ZBTB20: variants seen among roughly 807,000 people sequenced by gnomAD.
ZBTB20 encodes zinc finger and BTB domain containing 20, also known as zinc finger and BTB domain-containing protein 20.
ZBTB20 carries 9 observed loss-of-function variants against 56.9 expected under a neutral mutation model. The ratio of observed to expected loss-of-function variants is 0.16; its 90% CI spans 0.10 to 0.28. ZBTB20 has a LOEUF of 0.28. Ranked by LOEUF, ZBTB20 falls within the 10% of genes least tolerant of loss-of-function variation. The pLI, the probability that ZBTB20 is intolerant of heterozygous loss-of-function variation, is 1.00. For synonymous variants in ZBTB20, 417 were observed against 420.7 expected (o/e 0.99, Z 0.11); for missense variants, 655 against 1,003.0 (o/e 0.65, Z 4.69).
At chr3:115,073,348 T>G (rs185935386) in intron 1 of ZBTB20, among the ~76,000 whole-genome samples, 118 of 152,320 alleles carry the variant, frequency 7.7e-4, no homozygotes, top group Non-Finnish European at 1.2e-3. Flanking sequence ...TTTTAACTTT[T>G]CAAATGGCTA....
At chr3:114,811,229 A>T (rs2072493531) in intron 4 of ZBTB20, among the ~76,000 whole-genome samples, 1 of 152,206 alleles carries the variant, frequency 6.6e-6, no homozygotes, top group African/African-American at 2.4e-5. Flanking sequence ...TTTCTCACAG[A>T]TTCCTGGGCT....
intron 5 of ZBTB20, among the ~76,000 whole-genome samples, chr3:114,797,102 G>A (rs1464701445): frequency 2.0e-5 from 3 of 151,456 alleles, no homozygotes; most frequent in Non-Finnish European, 2.9e-5. Flanking sequence ...AGGATTACAT[G>A]AGTTAAATAT....
chr3:115,005,876 T>C (rs1324562598), intron 2 of ZBTB20, among the ~76,000 whole-genome samples: 2 of 151,828 alleles, frequency 1.3e-5, no homozygotes, highest in Non-Finnish European at 2.9e-5. Context: ...TCCCATTTCA[T>C]TTAGGGCAAA....
chr3:114,600,896 C>A (rs2107626816), intron 6 of ZBTB20, among the ~76,000 whole-genome samples: 1 of 151,988 alleles, frequency 6.6e-6, no homozygotes, highest in African/African-American at 2.4e-5. Flanking sequence ...TACTAACAAC[C>A]TGCTGCATTT....
Position 114,351,380 on chromosome 3 carries a change from T to C in ZBTB20, c.698A>G (p.Gln233Arg). ...GTCCACGCTGTGCTGTGGGTGGCTC[T>C]GCAGGTAGCCCGACTCCGTGTCGCT... Reference protein sequence around the residue: ...QSSDTESGYLQSHPQHSVDRI... With the variant: ...QSSDTESGYLRSHPQHSVDRI... The change falls in exon 11 of 12, where the codon CAG becomes CGG. Residue 233 changes from glutamine (Q) to arginine (R), a missense_variant. Gln to Arg is a conservative substitution (Grantham distance 43, BLOSUM62 1). This residue lies in a region of ZBTB20 where 167 missense variants were observed against 281.9 expected (regional missense o/e 0.59). Transcript: ENST00000675478. The C allele has an allele frequency of 6.2e-7, 1 of 1,611,814 alleles. No homozygotes were observed. Among genetic ancestry groups the C allele is most frequent in the South Asian group, 1.1e-5 (1 of 91,042 alleles).
chr3:114,724,081 G>A (rs2065104992), intron 5 of ZBTB20, among the ~76,000 whole-genome samples: 1 of 151,698 alleles, frequency 6.6e-6, no homozygotes, highest in Non-Finnish European at 1.5e-5. Context: ...CACCGTGTTA[G>A]CCAGGATGGT....
chr3:114,753,524 T>C (rs1296153172), intron 5 of ZBTB20, among the ~76,000 whole-genome samples: 1 of 151,012 alleles, frequency 6.6e-6, no homozygotes, highest in African/African-American at 2.4e-5. Context: ...AACCTCCGCC[T>C]CCCGAGTTCA....
intron 2 of ZBTB20, among the ~76,000 whole-genome samples, chr3:114,986,281 A>G (rs919918463): frequency 2.0e-5 from 3 of 152,084 alleles, no homozygotes; most frequent in Non-Finnish European, 4.4e-5. Context: ...GGCCTTCTAT[A>G]GATTCATCAG....
intron 5 of ZBTB20, among the ~76,000 whole-genome samples, chr3:114,699,658 T>C (rs1468466756): frequency 8.5e-5 from 13 of 152,140 alleles, no homozygotes; most frequent in Admixed American, 2.6e-4. Flanking sequence ...CATGTAGATA[T>C]TAGTCAAAAC....
intron 10 of ZBTB20, chr3:114,379,133 A>G (rs1166547185): frequency 6.6e-6 from 1 of 152,222 alleles, no homozygotes; most frequent in Non-Finnish European, 1.5e-5. Context: ...GCAGAATTTT[A>G]CATTTGTTCT....
At position 114,486,174 on chromosome 3, in the gene ZBTB20, A is replaced by T. The variant is rs1442282788; in HGVS notation, c.-255+14178T>A. Among the ~76,000 whole-genome samples the T allele has an allele frequency of 4.7e-5, 6 of 128,516 alleles. No individual in the cohort carries two copies. The Admixed American group carries it at 4.7e-4, about 10-fold the overall frequency. 84.3% of individuals were successfully genotyped at this position (128,516 alleles called of 152,430 possible). A position where few individuals can be genotyped will look rare whatever the true frequency, so the allele number is the denominator to read the frequency against. On this transcript the variant is annotated intron_variant, in intron 7 of 11. Transcript: ENST00000675478. Reference sequence around the variant, plus strand: ...GCGGTGTATGAATTCCTGTGCTAAGATTCAGATCTTTGAAACTGTTTTCTA... The same window carrying T: ...GCGGTGTATGAATTCCTGTGCTAAGTTTCAGATCTTTGAAACTGTTTTCTA...
chr3:114,553,909 C>G (rs934929755), intron 6 of ZBTB20, among the ~76,000 whole-genome samples: 1 of 152,012 alleles, frequency 6.6e-6, no homozygotes, highest in South Asian at 2.1e-4. Flanking sequence ...AGTCAGTAAC[C>G]CTAAAAATCT....
At chr3:114,953,561 A>G (rs1461704504) in intron 3 of ZBTB20, among the ~76,000 whole-genome samples, 1 of 152,046 alleles carries the variant, frequency 6.6e-6, no homozygotes. Context: ...TGGAATGGCT[A>G]TATTAATATT....
At chr3:114,478,552 C>G (rs1217731712) in intron 7 of ZBTB20, among the ~76,000 whole-genome samples, 2 of 152,178 alleles carry the variant, frequency 1.3e-5, no homozygotes, top group African/African-American at 2.4e-5. Flanking sequence ...GTTTGATTAT[C>G]TTATGTCCAC....
Position 115,131,666 on chromosome 3 carries a change from C to G in ZBTB20, c.-703+15553G>C, listed in dbSNP as rs1043779381. Reference sequence around the variant, plus strand: ...CTGCCAGGTTAAAGTATTTGCAAATCATATGCAAATTATAATTTTAATAGG... The same window carrying G: ...CTGCCAGGTTAAAGTATTTGCAAATGATATGCAAATTATAATTTTAATAGG... On this transcript the variant is annotated intron_variant, in intron 1 of 11. Coordinates refer to ENST00000675478, the MANE Select transcript of ZBTB20 (RefSeq NM_001348800.3). Among the ~76,000 whole-genome samples the G allele has an allele frequency of 3.3e-5, 5 of 152,264 alleles. 1 individual carries two copies. The Middle Eastern group carries it at 0.014, about 414-fold the overall frequency.
intron 4 of ZBTB20, among the ~76,000 whole-genome samples, chr3:114,884,357 A>C (rs898187937): frequency 2.0e-5 from 3 of 152,150 alleles, no homozygotes; most frequent in African/African-American, 7.2e-5. Context: ...AAAACCTCAC[A>C]ATTTCTGAAA....
At position 114,984,466 on chromosome 3, in the gene ZBTB20, GTC is replaced by G. The variant is rs1465002804; in HGVS notation, c.-506-10052_-506-10051del. Among the ~76,000 whole-genome samples the G allele has an allele frequency of 2.0e-5, 3 of 152,000 alleles. No homozygotes were observed. In the East Asian group the frequency reaches 5.8e-4, roughly 29 times the overall value. On this transcript the variant is annotated intron_variant, in intron 2 of 11. Transcript: ENST00000675478. ...CTCCGTCACCATTTTCTGTGAACAA[GTC>G]TCTGCTCCATCAGGATGCACAACAA...
chr3:114,819,056 A>G (rs147281386), intron 4 of ZBTB20, among the ~76,000 whole-genome samples: 1,754 of 152,098 alleles, frequency 0.012, 16 homozygotes, highest in South Asian at 0.042. Context: ...GGAACCCCAC[A>G]TAAGTTGAGG....
At chr3:114,855,477 T>C (rs532283700) in intron 4 of ZBTB20, among the ~76,000 whole-genome samples, 85 of 152,320 alleles carry the variant, frequency 5.6e-4, no homozygotes, top group Middle Eastern at 3.4e-3. Flanking sequence ...TATTATTTTC[T>C]GGAAAAGGTA....
Sources: gnomAD v4.1 joint callset for allele counts (sites outside exome capture counted in the v4.1 genomes callset) on GRCh38, gnomAD v4.1.1 for gene constraint, gnomAD v4.1.1 regional missense constraint, MANE v1.5 for transcripts, NCBI Gene and HGNC (gene_info 2026-07-23, HGNC 2026-07-21) for gene names.